CACNA1B: variants seen among roughly 807,000 people sequenced by gnomAD.
CACNA1B encodes calcium voltage-gated channel subunit alpha1 B.
Under a neutral mutation model 247.2 loss-of-function variants are expected in CACNA1B, and 70 were observed. The ratio of observed to expected loss-of-function variants is 0.28; its 90% CI spans 0.23 to 0.35. The LOEUF is 0.35. Ranked by LOEUF, CACNA1B falls within the 10% of genes least tolerant of loss-of-function variation. The pLI is 1.00. For missense variants in CACNA1B, 2,367 were observed against 3,197.4 expected (o/e 0.74, Z 6.26); for synonymous variants, 1,231 against 1,294.4 (o/e 0.95, Z 1.05).
intron 6 of CACNA1B, among the ~76,000 whole-genome samples, chr9:137,918,212 G>GC (rs386416473): frequency 6.6e-6 from 1 of 151,856 alleles, no homozygotes; most frequent in Non-Finnish European, 1.5e-5. Context: ...ATAAGGCTTG[G>GC]GGGGGGTGCC....
At chr9:138,095,712 C>A (rs1961031229) in intron 36 of CACNA1B, among the ~76,000 whole-genome samples, 2 of 152,162 alleles carry the variant, frequency 1.3e-5, no homozygotes. Flanking sequence ...AAGGCAGAAA[C>A]AACCCAAATG....
In CACNA1B at chr9:138,022,933, G is replaced by A. The variant is rs1183497678; in HGVS notation, c.2268-78G>A. 4.2e-6 allele frequency: 6 copies of A among 1,424,864 alleles called. No individual in the cohort carries two copies. In the African/African-American group the frequency reaches 9.0e-5, roughly 21 times the overall value. 88.3% of individuals were successfully genotyped at this position (1,424,864 alleles called of 1,614,324 possible). A position where few individuals can be genotyped will look rare whatever the true frequency, so the allele number is the denominator to read the frequency against. On this transcript the variant is annotated intron_variant, in intron 18 of 46. Coordinates refer to ENST00000371372, the MANE Select transcript of CACNA1B (RefSeq NM_000718.4). ...CTCCCTGCGCCATTACTCCATTGCTGTGTGTGCATTGTGGCCTCCCTGGAG... is the reference window on the plus strand; with the variant it reads ...CTCCCTGCGCCATTACTCCATTGCTATGTGTGCATTGTGGCCTCCCTGGAG...
chr9:138,023,808 C>A lies in CACNA1B; in HGVS notation c.3065C>A (p.Pro1022His). ...DKEKELRNHQPREPHCDLETS... is the reference protein window; with the variant it reads ...DKEKELRNHQHREPHCDLETS... ...GAAAAGGAGCTCCGGAACCACCAGCCCCGGTGAGTCCGCGGCTGGGCGGGG... is the reference window on the plus strand; with the variant it reads ...GAAAAGGAGCTCCGGAACCACCAGCACCGGTGAGTCCGCGGCTGGGCGGGG... Residue 1022 changes from proline (P) to histidine (H), a missense_variant, in exon 19 of 47, where the codon CCC (proline) becomes CAC (histidine). Pro to His is a moderately conservative substitution (Grantham distance 77). Coordinates refer to ENST00000371372, the MANE Select transcript of CACNA1B (RefSeq NM_000718.4). The A allele has an allele frequency of 7.4e-7, 1 of 1,352,084 alleles. No individual in the cohort carries two copies. Among genetic ancestry groups the A allele is most frequent in the Non-Finnish European group, 1.0e-6 (1 of 967,110 alleles). 83.8% of individuals were successfully genotyped at this position (1,352,084 alleles called of 1,614,324 possible).
At position 137,888,558 on chromosome 9, in the gene CACNA1B, G is replaced by T. The variant is rs1220646740; in HGVS notation, c.530+5675G>T. ...TGGCTCAGGCAGGTGGCTCTCCGGG[G>T]GAGCTTTCCAACCACGGCTTCTTGT... On this transcript the variant is annotated intron_variant, in intron 3 of 46. Transcript: ENST00000371372. The surrounding 1 kb of genome is among the most constrained non-coding windows in gnomAD (Gnocchi z 4.7). Among the ~76,000 whole-genome samples, 18 of 152,352 alleles carry T rather than the reference G, an allele frequency of 1.2e-4. No individual in the cohort carries two copies. The highest frequency in any genetic ancestry group is 4.3e-4 in the African/African-American group (18 of 41,584).
At chr9:138,075,156 A>G (rs2131315513) in intron 34 of CACNA1B, among the ~76,000 whole-genome samples, 1 of 152,296 alleles carries the variant, frequency 6.6e-6, no homozygotes, top group Non-Finnish European at 1.5e-5. Flanking sequence ...CGGAAAACTG[A>G]TTTCTAAACT....
At chr9:138,013,298 G>A in intron 18 of CACNA1B, 63 bp downstream of exon 18, 1 of 1,283,852 alleles carries the variant, frequency 7.8e-7, no homozygotes, top group Non-Finnish European at 1.1e-6. Flanking sequence ...CCATGGCTGG[G>A]CCCTCCCCAG....
chr9:138,069,534 AAGTAATCAG>A (rs1960045559), intron 31 of CACNA1B, among the ~76,000 whole-genome samples: 6 of 152,190 alleles, frequency 3.9e-5, no homozygotes, highest in Non-Finnish European at 8.8e-5. Context: ...TTTTCTAGTT[AAGTAATCAG>A]AGTTTGAGTT....
At chr9:137,931,240 T>C (rs1166308052) in intron 6 of CACNA1B, among the ~76,000 whole-genome samples, 1 of 151,502 alleles carries the variant, frequency 6.6e-6, no homozygotes, top group East Asian at 1.9e-4. Context: ...CGGGCTCGCG[T>C]AAACGGCTCA....
Position 138,075,824 on chromosome 9 carries a change from T to C in CACNA1B, c.4863T>C (p.Phe1621=), listed in dbSNP as rs756198784. The change falls in exon 35 of 47, where the codon TTT becomes TTC. Residue 1621 remains phenylalanine (F), a synonymous_variant. Coordinates refer to ENST00000371372, the MANE Select transcript of CACNA1B (RefSeq NM_000718.4). ...ATTGCTCTTCTCCATTGCAGGTGTT[T>C]GGGAATATTGCCCTGGATGATGACA... ...FIYAIIGMQV[F]GNIALDDDTS... The C allele has an allele frequency of 1.7e-5, 27 of 1,606,796 alleles. No individual in the cohort carries two copies. Among genetic ancestry groups the C allele is most frequent in the Non-Finnish European group, 2.3e-5 (27 of 1,174,710 alleles).
At chr9:138,079,637 G>A (rs1392279608) in intron 36 of CACNA1B, among the ~76,000 whole-genome samples, 1 of 151,750 alleles carries the variant, frequency 6.6e-6, no homozygotes, top group Non-Finnish European at 1.5e-5. Flanking sequence ...CAGCCACCTG[G>A]GGAGCTGAGG....
intron 6 of CACNA1B, among the ~76,000 whole-genome samples, chr9:137,941,921 A>G (rs1378340079): frequency 2.6e-5 from 4 of 152,242 alleles, no homozygotes; most frequent in Non-Finnish European, 5.9e-5. Context: ...GGCTTAGGCA[A>G]GGACTTCATG....
rs1385797911 is a variant in CACNA1B at position 137,917,219 on chromosome 9, T to C, written c.776-22T>C. 7 of 1,601,162 alleles carry C rather than the reference T, an allele frequency of 4.4e-6. No individual in the cohort carries two copies. In the South Asian group the frequency reaches 6.8e-5, roughly 15 times the overall value. On this transcript the variant is annotated intron_variant, in intron 5 of 46. Transcript: ENST00000371372. This position sits in a 1 kb window ranked among gnomAD's most constrained non-coding sequence, Gnocchi z 5.5. ...GCTTGGTATTTCTGAGCTCAGGGTC[T>C]GCTTCATTCTCCTTCTTGCAGATGC...
Position 137,882,897 on chromosome 9 carries a change from G to A in CACNA1B, c.530+14G>A, listed in dbSNP as rs762965933. The A allele has an allele frequency of 6.2e-7, 1 of 1,612,008 alleles. No homozygotes were observed. Among genetic ancestry groups the A allele is most frequent in the Admixed American group, 1.7e-5 (1 of 59,986 alleles). ...CGTCCTCACAGGGTAGGCAAGCTGA[G>A]GCCAGGAGGCCCAGCGTGTGAGGCC... On this transcript the variant is annotated intron_variant, in intron 3 of 46. Transcript: ENST00000371372. The surrounding 1 kb of genome is among the most constrained non-coding windows in gnomAD (Gnocchi z 4.0).
chr9:137,999,444 C>T (rs1958538646), intron 15 of CACNA1B, among the ~76,000 whole-genome samples: 2 of 151,668 alleles, frequency 1.3e-5, no homozygotes, highest in African/African-American at 4.8e-5. Context: ...TAAGAGGAAT[C>T]CGAAACAACA....
At chr9:138,106,065 G>A (rs1371139563) in intron 39 of CACNA1B, among the ~76,000 whole-genome samples, 1 of 152,182 alleles carries the variant, frequency 6.6e-6, no homozygotes, top group East Asian at 1.9e-4. Context: ...AATTGCCCAG[G>A]TAATTCAGAG....
At chr9:137,910,441 G>A (rs1383256663) in intron 3 of CACNA1B, among the ~76,000 whole-genome samples, 4 of 152,114 alleles carry the variant, frequency 2.6e-5, no homozygotes, top group East Asian at 1.9e-4. Context: ...ACCAGAGGTC[G>A]GGGGATGGTT....
At chr9:137,901,863 G>A (rs889933065) in intron 3 of CACNA1B, among the ~76,000 whole-genome samples, 2 of 151,888 alleles carry the variant, frequency 1.3e-5, no homozygotes, top group South Asian at 2.1e-4. Context: ...GTGATTTTTT[G>A]TATTTTTAAT....
At position 138,052,907 on chromosome 9, in the gene CACNA1B, G is replaced by A. The variant is rs11137352; in HGVS notation, c.3807+719G>A. On this transcript the variant is annotated intron_variant, in intron 25 of 46. Transcript: ENST00000371372. This position sits in a 1 kb window ranked among gnomAD's most constrained non-coding sequence, Gnocchi z 5.1. ...TGTGCCAGGCTGCTTTGTGGGAGAC[G>A]GTTGTGGCCCCACCTTCCCGTCACA... Among the ~76,000 whole-genome samples the A allele has an allele frequency of 8.7e-3, 1,318 of 152,326 alleles. 69 individuals are homozygous for A. In the East Asian group the frequency reaches 0.15, roughly 17 times the overall value.
intron 10 of CACNA1B, among the ~76,000 whole-genome samples, chr9:137,968,829 C>T (rs1226656887): frequency 1.3e-5 from 2 of 152,242 alleles, no homozygotes; most frequent in African/African-American, 4.8e-5. Flanking sequence ...TTCACTGTGT[C>T]ATCATTCATA....
Sources: allele counts gnomAD v4.1 joint callset (sites outside exome capture counted in the v4.1 genomes callset), GRCh38; gene constraint gnomAD v4.1.1; non-coding constraint Gnocchi (gnomAD v3.1); transcripts MANE v1.5; gene names NCBI Gene and HGNC (gene_info 2026-07-23, HGNC 2026-07-21).